The following NEK10 variants were observed in gnomAD, a reference collection of about 807,000 sequenced individuals.
NEK10 encodes the protein serine/threonine-protein kinase Nek10.
Under a neutral mutation model 159.8 loss-of-function variants are expected in NEK10, and 122 were observed. The ratio of observed to expected loss-of-function variants is 0.76; its 90% CI spans 0.66 to 0.89. The LOEUF is 0.89. Ranked by LOEUF, NEK10 falls within the 40% of genes least tolerant of loss-of-function variation. The probability of loss-of-function intolerance (pLI) is 0.00; values close to 1 mark genes in which losing one functional copy is unlikely to be tolerated. For missense variants in NEK10, 1,342 were observed against 1,323.1 expected (o/e 1.01, Z -0.22); for synonymous variants, 466 against 457.1 (o/e 1.02, Z -0.25).
intron 5 of NEK10, among the ~76,000 whole-genome samples, chr3:27,325,556 G>C (rs1465803045): frequency 6.6e-6 from 1 of 152,074 alleles, no homozygotes; most frequent in African/African-American, 2.4e-5. Context: ...TCAAACCTGA[G>C]TGAATGAGAA....
chr3:27,357,021 CA>C (rs1243489445), intron 1 of NEK10, among the ~76,000 whole-genome samples: 1 of 152,202 alleles, frequency 6.6e-6, no homozygotes, highest in East Asian at 1.9e-4. Flanking sequence ...TTGCTTTTAA[CA>C]GTTATTTTAA....
Position 27,131,982 on chromosome 3 carries a change from T to C in NEK10, c.2979A>G (p.Pro993=). ...TTCTTTTCAAATTGTGGTGCAAAGC[T>C]GGAGGAAGCTGCATAAAATAAGAAA... ...HKIIYITQLP[P]ALHHNLKRRV... The change falls in exon 32 of 36, where the codon CCA becomes CCG. Residue 993 remains proline, a synonymous_variant. Coordinates refer to ENST00000691995, the MANE Select transcript of NEK10 (RefSeq NM_001394966.1). 1 of 1,575,498 alleles carries C rather than the reference T, an allele frequency of 6.3e-7. No homozygotes were observed. Among genetic ancestry groups the C allele is most frequent in the Non-Finnish European group, 8.7e-7 (1 of 1,146,580 alleles).
chr3:27,240,873 C>T (rs926218545), intron 23 of NEK10, among the ~76,000 whole-genome samples: 12 of 152,052 alleles, frequency 7.9e-5, no homozygotes, highest in South Asian at 2.1e-4. Context: ...AGGCTGGTCT[C>T]GAACTCCTGA....
Position 27,346,158 on chromosome 3 carries a change from A to T in NEK10, c.191T>A (p.Ile64Asn). ...QNSMTKSEPA[I>N]RAGGHRARGQ... ...CCGAGCTCTGTGTCCACCCGCCCTG[A>T]TGGCGGGCTCAGACTTCGTCATGCT... The change falls in exon 4 of 36, where the codon ATC becomes AAC. Residue 64 changes from isoleucine (I) to asparagine (N), a missense_variant. Physicochemically the swap from Ile to Asn is moderately radical, Grantham distance 149 (BLOSUM62 -3). Transcript: ENST00000691995. 6.2e-7 allele frequency: 1 copy of T among 1,613,758 alleles called. No homozygotes were observed. The highest frequency in any genetic ancestry group is 8.5e-7 in the Non-Finnish European group (1 of 1,179,712).
intron 5 of NEK10, among the ~76,000 whole-genome samples, chr3:27,340,053 C>T (rs544870495): frequency 6.6e-6 from 1 of 152,260 alleles, no homozygotes; most frequent in South Asian, 2.1e-4. Flanking sequence ...AAGACACATG[C>T]ACATATATGT....
chr3:27,168,197 G>A (rs927295958), intron 29 of NEK10, among the ~76,000 whole-genome samples: 4 of 151,812 alleles, frequency 2.6e-5, no homozygotes, highest in Admixed American at 2.6e-4. Context: ...CCCCAAGTGG[G>A]AGAGCTGCCT....
At chr3:27,242,490 A>G (rs1482364769) in intron 23 of NEK10, among the ~76,000 whole-genome samples, 1 of 152,148 alleles carries the variant, frequency 6.6e-6, no homozygotes, top group African/African-American at 2.4e-5. Context: ...TAGCTTGCCC[A>G]AAGTCAAACA....
At position 27,322,174 on chromosome 3, in the gene NEK10, A is replaced by G; in HGVS notation, c.447+3T>C. The stretch of plus-strand genomic sequence containing the variant: ...AAAAAAAAATTGTATTTTTCCAACC[A>G]ACCTGATAACATGGATCCCTCATTA... On this transcript the variant is annotated splice_donor_region_variant and intron_variant, in intron 6 of 35. Coordinates refer to ENST00000691995, the MANE Select transcript of NEK10 (RefSeq NM_001394966.1). 1.3e-6 allele frequency: 2 copies of G among 1,502,116 alleles called. No individual in the cohort carries two copies. Among genetic ancestry groups the G allele is most frequent in the Non-Finnish European group, 9.1e-7 (1 of 1,103,878 alleles). 93.0% of individuals were successfully genotyped at this position (1,502,116 alleles called of 1,614,324 possible).
intron 19 of NEK10, among the ~76,000 whole-genome samples, chr3:27,290,318 T>C (rs1373925072): frequency 6.6e-6 from 1 of 152,170 alleles, no homozygotes; most frequent in Non-Finnish European, 1.5e-5. Flanking sequence ...TCCTAAAATA[T>C]AAGGAGAAAA....
intron 23 of NEK10, among the ~76,000 whole-genome samples, chr3:27,248,813 A>C (rs1379323974): frequency 1.3e-5 from 2 of 152,184 alleles, no homozygotes; most frequent in African/African-American, 2.4e-5. Flanking sequence ...TGTGCTGAGA[A>C]GAATGTATAT....
At chr3:27,213,948 C>A (rs1202290556) in intron 23 of NEK10, among the ~76,000 whole-genome samples, 1 of 152,184 alleles carries the variant, frequency 6.6e-6, no homozygotes, top group Admixed American at 6.5e-5. Context: ...GAGTCTAGAA[C>A]CTTTTAAAGG....
chr3:27,314,147 C>G, intron 7 of NEK10, 150 bp downstream of exon 7: 1 of 627,448 alleles, frequency 1.6e-6, no homozygotes, highest in Admixed American at 2.7e-5. Context: ...GAGTATCATG[C>G]CTCACACTCA....
At chr3:27,211,247 T>C (rs1212256641) in intron 23 of NEK10, among the ~76,000 whole-genome samples, 2 of 152,184 alleles carry the variant, frequency 1.3e-5, no homozygotes, top group Non-Finnish European at 2.9e-5. Flanking sequence ...AGATAATAAA[T>C]GTGCAAGTGC....
At chr3:27,343,497 T>G (rs1291456727) in intron 5 of NEK10, among the ~76,000 whole-genome samples, 1 of 152,210 alleles carries the variant, frequency 6.6e-6, no homozygotes, top group African/African-American at 2.4e-5. Flanking sequence ...CAAGGAAGAT[T>G]TAAGGTTCTT....
intron 5 of NEK10, among the ~76,000 whole-genome samples, chr3:27,338,906 T>G (rs73055724): frequency 0.16 from 24,134 of 152,142 alleles, 2,097 homozygotes; most frequent in Non-Finnish European, 0.2. Flanking sequence ...GGCTAAGACC[T>G]CAAAAGCACA....
intron 20 of NEK10, among the ~76,000 whole-genome samples, chr3:27,287,223 A>G (rs910873024): frequency 1.3e-5 from 2 of 151,924 alleles, no homozygotes; most frequent in African/African-American, 4.8e-5. Flanking sequence ...GCAGAAAGCA[A>G]GCCTGGCTGC....
At chr3:27,348,028 T>G (rs910954772) in intron 3 of NEK10, among the ~76,000 whole-genome samples, 1 of 152,212 alleles carries the variant, frequency 6.6e-6, no homozygotes, top group Non-Finnish European at 1.5e-5. Flanking sequence ...ATCCTCATAA[T>G]TATTCCTATT....
In NEK10 at chr3:27,269,377, T is replaced by C. The variant is rs531320209; in HGVS notation, c.2015-13006A>G. ...AGACAATCTCTGCAGCAAACTTCAC[T>C]GTTGTCTCATTTTATTAAATTGCCA... is the stretch of plus-strand genomic sequence containing the variant. On this transcript the variant is annotated intron_variant, in intron 22 of 35. Transcript: ENST00000691995. Among the ~76,000 whole-genome samples, 115 of 152,332 alleles carry C rather than the reference T, an allele frequency of 7.5e-4. 1 individual carries two copies. The highest frequency in any genetic ancestry group is 1.3e-3 in the Non-Finnish European group (87 of 68,034).
intron 25 of NEK10, among the ~76,000 whole-genome samples, chr3:27,198,433 G>T (rs1949747480): frequency 6.6e-6 from 1 of 151,026 alleles, no homozygotes; most frequent in African/African-American, 2.4e-5. Flanking sequence ...TACAAAAACA[G>T]ACACATAGAC....
Sources: gnomAD v4.1 joint callset for allele counts (sites outside exome capture counted in the v4.1 genomes callset) on GRCh38, gnomAD v4.1.1 for gene constraint, MANE v1.5 for transcripts, NCBI Gene and HGNC (gene_info 2026-07-23, HGNC 2026-07-21) for gene names.